SPP2: variants seen among roughly 807,000 people sequenced by gnomAD.
The protein encoded by SPP2 is secreted phosphoprotein 24.
In SPP2, 34 loss-of-function variants were observed where a neutral mutation model predicts 28.8. That is an observed-to-expected ratio of 1.18 (90% CI 0.90 to 1.57). The LOEUF (loss-of-function observed/expected upper bound fraction) is 1.57. SPP2 is among the 40% of genes most tolerant of loss of function. The pLI, the probability that SPP2 is intolerant of heterozygous loss-of-function variation, is 0.00. For missense variants in SPP2, 269 were observed against 263.9 expected (o/e 1.02, Z -0.13); for synonymous variants, 96 against 89.4 (o/e 1.07, Z -0.42).
intron 2 of SPP2, among the ~76,000 whole-genome samples, chr2:234,058,582 T>C (rs1420720271): frequency 2.0e-5 from 3 of 152,210 alleles, no homozygotes; most frequent in Non-Finnish European, 2.9e-5. Context: ...TTAGAAGCAA[T>C]ACTGGCCTTG....
intron 4 of SPP2, among the ~76,000 whole-genome samples, chr2:234,063,072 A>G (rs567367248): frequency 2.6e-5 from 4 of 152,328 alleles, no homozygotes; most frequent in East Asian, 3.9e-4. Context: ...AAGCAGATAG[A>G]GACTTAAGTA....
In SPP2 at chr2:234,076,984, G is replaced by A. The variant is rs2125477782; in HGVS notation, c.*150G>A. On this transcript the variant is annotated 3_prime_UTR_variant, in exon 8 of 8. Transcript: ENST00000168148. ...CTCCAAAGCTGGAATGTGAACGCAT[G>A]CCACGGTGGTCTGACCCTCACACTC... 6.6e-6 allele frequency: 1 copy of A among 152,214 alleles called. No individual in the cohort carries two copies. Among genetic ancestry groups the A allele is most frequent in the Admixed American group, 6.5e-5 (1 of 15,296 alleles). 9.4% of individuals were successfully genotyped at this position (152,214 alleles called of 1,614,324 possible). A position where few individuals can be genotyped will look rare whatever the true frequency, so the allele number is the denominator to read the frequency against.
At chr2:234,065,916 T>C (rs1001148226) in intron 4 of SPP2, among the ~76,000 whole-genome samples, 1 of 152,248 alleles carries the variant, frequency 6.6e-6, no homozygotes, top group Non-Finnish European at 1.5e-5. Flanking sequence ...TGCATGTGCA[T>C]ATCTGGTAGT....
At chr2:234,063,905 AG>A (rs1019165654) in intron 4 of SPP2, among the ~76,000 whole-genome samples, 9 of 152,184 alleles carry the variant, frequency 5.9e-5, no homozygotes, top group African/African-American at 1.9e-4. Flanking sequence ...AGCTTACGGG[AG>A]GGGTGACGGG....
At chr2:234,066,988 G>C (rs549461963) in intron 5 of SPP2, among the ~76,000 whole-genome samples, 1 of 152,304 alleles carries the variant, frequency 6.6e-6, no homozygotes, top group Non-Finnish European at 1.5e-5. Flanking sequence ...TTAGTTCAGG[G>C]AGGAAGGGCT....
At chr2:234,060,524 T>A (rs1693698595) in intron 4 of SPP2, 45 bp downstream of exon 4, 2 of 1,502,520 alleles carry the variant, frequency 1.3e-6, no homozygotes, top group Non-Finnish European at 1.8e-6. Context: ...CCTCTTAGGG[T>A]CTGTGTGGGT....
At chr2:234,073,118 C>A (rs28903709) in intron 7 of SPP2, among the ~76,000 whole-genome samples, 3,100 of 152,252 alleles carry the variant, frequency 0.02, 101 homozygotes, top group African/African-American at 0.071. Flanking sequence ...AAACTCCTGA[C>A]CTCAAGTGCT....
intron 5 of SPP2, 95 bp downstream of exon 5, chr2:234,066,682 T>G: frequency 1.1e-6 from 1 of 940,042 alleles, no homozygotes; most frequent in South Asian, 1.5e-5. Context: ...GAAATACATA[T>G]GTATGTAATC....
chr2:234,062,943 TTAAAA>T (rs1306750890), intron 4 of SPP2, among the ~76,000 whole-genome samples: 1 of 152,194 alleles, frequency 6.6e-6, no homozygotes, highest in East Asian at 1.9e-4. Context: ...AAACTAGATC[TTAAAA>T]TAAACTCTCT....
At chr2:234,060,683 G>A (rs17864805) in intron 4 of SPP2, among the ~76,000 whole-genome samples, 3 of 151,332 alleles carry the variant, frequency 2.0e-5, no homozygotes, top group Non-Finnish European at 2.9e-5. Context: ...TCTTTCACTC[G>A]TGTATGTCCT....
At chr2:234,059,088 T>C in intron 3 of SPP2, 130 bp downstream of exon 3, 1 of 1,096,228 alleles carries the variant, frequency 9.1e-7, no homozygotes, top group Non-Finnish European at 1.3e-6. Flanking sequence ...CATGTGGACA[T>C]TGTGTCCCCT....
intron 2 of SPP2, chr2:234,056,192 A>G (rs1290475784): frequency 6.6e-6 from 1 of 152,202 alleles, no homozygotes; most frequent in Admixed American, 6.5e-5. Context: ...AATATCCAGA[A>G]TCTACAATGA....
intron 7 of SPP2, among the ~76,000 whole-genome samples, chr2:234,071,280 A>G (rs1036676556): frequency 6.6e-6 from 1 of 152,096 alleles, no homozygotes; most frequent in Admixed American, 6.6e-5. Flanking sequence ...CATGGAGGAG[A>G]CTCTGATCCT....
chr2:234,075,055 G>A (rs1191121428), intron 7 of SPP2, among the ~76,000 whole-genome samples: 1 of 150,344 alleles, frequency 6.7e-6, no homozygotes, highest in East Asian at 2.0e-4. Context: ...AAGGACACTT[G>A]TTGACAGCAG....
rs115788299 is a variant in SPP2 at position 234,050,993 on chromosome 2, T to C, written c.108T>C (p.Asp36=). ...CAGGTTTCCCAGTGTACGACTACGA[T>C]CCATCCTCCTTAAGGGATGCCCTCA... The part of the protein sequence containing the change: ...SCSGFPVYDY[D]PSSLRDALSA... The change falls in exon 2 of 8, where the codon GAT becomes GAC. Residue 36 remains aspartate, a synonymous_variant. Transcript: ENST00000168148. 4.8e-5 allele frequency: 77 copies of C among 1,613,888 alleles called. No homozygotes were observed. In the South Asian group the frequency reaches 7.7e-4, roughly 16 times the overall value.
chr2:234,065,625 C>T (rs1693803852), intron 4 of SPP2, among the ~76,000 whole-genome samples: 1 of 152,182 alleles, frequency 6.6e-6, no homozygotes, highest in South Asian at 2.1e-4. Flanking sequence ...AATGATTGGC[C>T]ATTATACATC....
chr2:234,062,779 C>T (rs1020447384), intron 4 of SPP2, among the ~76,000 whole-genome samples: 7 of 152,176 alleles, frequency 4.6e-5, no homozygotes, highest in South Asian at 2.1e-4. Context: ...GCTAAGTTAA[C>T]GCCTCTTCCA....
Position 234,069,991 on chromosome 2 carries a change from G to A in SPP2, c.614G>A (p.Arg205Lys), listed in dbSNP as rs757273882. Residue 205 changes from arginine (R) to lysine (K), a missense_variant, in exon 7 of 8, where the codon AGA (arginine) becomes AAA (lysine). Physicochemically the swap from Arg to Lys is conservative, Grantham distance 26. Coordinates refer to ENST00000168148, the MANE Select transcript of SPP2 (RefSeq NM_006944.3). The stretch of plus-strand genomic sequence containing the variant: ...TACCCAAACCACCGGCACAGAGCAA[G>A]AATAAATACTGACTTTGAGTAACGG... The part of the protein sequence containing the change: ...RRYPNHRHRA[R>K]INTDFE The A allele has an allele frequency of 6.8e-6, 11 of 1,613,432 alleles. No homozygotes were observed. The Admixed American group carries it at 1.8e-4, about 27-fold the overall frequency.
intron 2 of SPP2, among the ~76,000 whole-genome samples, chr2:234,051,367 G>C (rs1693494272): frequency 6.6e-6 from 1 of 152,108 alleles, no homozygotes; most frequent in African/African-American, 2.4e-5. Context: ...TTTTGTACTT[G>C]AAGTCCTCGC....
Sources: gnomAD v4.1 joint callset for allele counts (sites outside exome capture counted in the v4.1 genomes callset) on GRCh38, gnomAD v4.1.1 for gene constraint, MANE v1.5 for transcripts, NCBI Gene and HGNC (gene_info 2026-07-23, HGNC 2026-07-21) for gene names.